PDK2: variants seen among roughly 807,000 people sequenced by gnomAD.
The protein encoded by PDK2 is pyruvate dehydrogenase kinase 2, also known as pyruvate dehydrogenase kinase, isozyme 2.
Under a neutral mutation model 50.4 loss-of-function variants are expected in PDK2, and 34 were observed. The ratio of observed to expected loss-of-function variants is 0.68; its 90% confidence interval spans 0.51 to 0.90. The LOEUF (loss-of-function observed/expected upper bound fraction) is 0.90. Among genes scored for constraint, PDK2 ranks in the 40% least tolerant of loss-of-function variants. The pLI is 0.00. For synonymous variants in PDK2, 232 were observed against 216.0 expected (o/e 1.07, Z -0.65); for missense variants, 377 against 544.5 (o/e 0.69, Z 3.06).
intron 1 of PDK2, among the ~76,000 whole-genome samples, chr17:50,097,106 T>C (rs1018602079): frequency 2.6e-5 from 4 of 152,096 alleles, no homozygotes; most frequent in Non-Finnish European, 4.4e-5. Context: ...GTGAGTGTGC[T>C]GGGAGGGAAG....
intron 4 of PDK2, 133 bp from the exon 5 acceptor site, chr17:50,106,661 T>TGGGGCAGC: frequency 1.4e-6 from 1 of 719,516 alleles, no homozygotes; most frequent in Non-Finnish European, 2.4e-6. Context: ...AGCGGGGGAG[T>TGGGGCAGC]GGGGCAGCTT....
chr17:50,104,226 G>A (rs1322581268), intron 2 of PDK2: 1 of 152,310 alleles, frequency 6.6e-6, no homozygotes, highest in Non-Finnish European at 1.5e-5. Flanking sequence ...CCTTGCAGAA[G>A]GAGGCCTGCT....
chr17:50,100,714 T>G (rs1373073677), intron 2 of PDK2: 2 of 152,254 alleles, frequency 1.3e-5, no homozygotes, highest in Non-Finnish European at 2.9e-5. Flanking sequence ...CGCAACCTTA[T>G]GAGGTAGTCT....
intron 1 of PDK2, among the ~76,000 whole-genome samples, chr17:50,096,855 C>T (rs552783158): frequency 6.6e-6 from 1 of 152,238 alleles, no homozygotes; most frequent in African/African-American, 2.4e-5. Context: ...TCCATCTTGA[C>T]ACCAGACAAG....
chr17:50,108,631 G>A lies in PDK2; in HGVS notation c.881G>A (p.Gly294Asp). The A allele has an allele frequency of 6.2e-7, 1 of 1,612,356 alleles. No homozygotes were observed. Among genetic ancestry groups the A allele is most frequent in the Non-Finnish European group, 8.5e-7 (1 of 1,179,224 alleles). ...LSIKMSDRGG[G>D]VPLRKIERLF... Reference sequence around the variant, plus strand: ...TCCCAGATGAGTGACCGAGGTGGGGGTGTTCCCTTGAGGAAGATTGAGCGA... The same window carrying A: ...TCCCAGATGAGTGACCGAGGTGGGGATGTTCCCTTGAGGAAGATTGAGCGA... The change falls in exon 9 of 11, where the codon GGT (glycine) becomes GAT (aspartate). Residue 294 changes from glycine to aspartate, a missense_variant. Physicochemically the swap from Gly to Asp is moderately conservative, Grantham distance 94. Transcript: ENST00000503176.
In PDK2 at chr17:50,109,405, G is replaced by A; in HGVS notation, c.1083+5G>A. 6.3e-7 allele frequency: 1 copy of A among 1,586,530 alleles called. No individual in the cohort carries two copies. Among genetic ancestry groups the A allele is most frequent in the Non-Finnish European group, 8.6e-7 (1 of 1,157,330 alleles). Reference sequence around the variant, plus strand: ...GATGCTGTCATCTATCTCAAGGTGAGGGCCCTTCCCGCAGAGCCCAGCTGG... The same window carrying A: ...GATGCTGTCATCTATCTCAAGGTGAAGGCCCTTCCCGCAGAGCCCAGCTGG... On this transcript the variant is annotated splice_donor_5th_base_variant and intron_variant, in intron 10 of 10. Transcript: ENST00000503176. The surrounding 1 kb of genome is among the most constrained non-coding windows in gnomAD (Gnocchi z 5.0).
In PDK2 at chr17:50,109,806, AGGAGCG is replaced by A; in HGVS notation, c.1084-147_1084-142del. On this transcript the variant is annotated intron_variant, in intron 10 of 10. Coordinates refer to ENST00000503176, the MANE Select transcript of PDK2 (RefSeq NM_002611.5). The surrounding 1 kb of genome is among the most constrained non-coding windows in gnomAD (Gnocchi z 5.0). ...GAGGGAGCTGCTTGCTTGAATGGGC[AGGAGCG>A]GGACACAGGAGGGACCACCCTTTTG... The A allele has an allele frequency of 7.5e-6, 6 of 799,480 alleles. No homozygotes were observed. The South Asian group carries it at 1.4e-4, about 19-fold the overall frequency. The allele number at this position is 799,480 out of a possible 1,614,324, so 49.5% of individuals were successfully genotyped here. A position where few individuals can be genotyped will look rare whatever the true frequency, so the allele number is the denominator to read the frequency against.
At position 50,101,102 on chromosome 17, in the gene PDK2, G is replaced by A. The variant is rs1255526301; in HGVS notation, c.260+3538G>A. 6.6e-6 allele frequency: 1 copy of A among 152,244 alleles called. No individual in the cohort carries two copies. The highest frequency in any genetic ancestry group is 1.5e-5 in the Non-Finnish European group (1 of 68,052). The allele number at this position is 152,244 out of a possible 1,614,324, so 9.4% of individuals were successfully genotyped here. On this transcript the variant is annotated intron_variant, in intron 2 of 10. Coordinates refer to ENST00000503176, the MANE Select transcript of PDK2 (RefSeq NM_002611.5). This position sits in a 1 kb window ranked among gnomAD's most constrained non-coding sequence, Gnocchi z 4.2. ...AATCAAATGACAATGACTCACTGCT[G>A]TCACTAACAGGCTCTTTGTGGGGGC...
At position 50,095,486 on chromosome 17, in the gene PDK2, C is replaced by T. The variant is rs1363920341; in HGVS notation, c.51C>T (p.Pro17=). 8 of 1,606,476 alleles carry T rather than the reference C, an allele frequency of 5.0e-6. No homozygotes were observed. The highest frequency in any genetic ancestry group is 6.8e-6 in the Non-Finnish European group (8 of 1,176,868). ...LLKNASLAGA[P]KYIEHFSKFS... is the part of the protein sequence containing the mutation. ...AGAATGCGTCCCTGGCAGGGGCGCCCAAGTACATAGAGCACTTCAGCAAGT... is the reference window on the plus strand; with the variant it reads ...AGAATGCGTCCCTGGCAGGGGCGCCTAAGTACATAGAGCACTTCAGCAAGT... The change falls in exon 1 of 11, where the codon CCC becomes CCT. Residue 17 remains proline, a synonymous_variant. Coordinates refer to ENST00000503176, the MANE Select transcript of PDK2 (RefSeq NM_002611.5).
At chr17:50,105,520 G>T in intron 3 of PDK2, 78 bp downstream of exon 3, 1 of 1,204,856 alleles carries the variant, frequency 8.3e-7, no homozygotes, top group Admixed American at 2.0e-5. Context: ...TGGGGCAGAA[G>T]TACAGCAGGA....
At chr17:50,105,011 C>T (rs527737257) in intron 2 of PDK2, among the ~76,000 whole-genome samples, 133 of 152,292 alleles carry the variant, frequency 8.7e-4, no homozygotes, top group African/African-American at 3.1e-3. Context: ...CTGCCTTCCC[C>T]CACTGCAGGC....
Position 50,106,097 on chromosome 17 carries a change from C to CG in PDK2, c.517+31dup, listed in dbSNP as rs1567713549. On this transcript the variant is annotated intron_variant, in intron 4 of 10. Transcript: ENST00000503176. ...GGGTGCCGGCCACAGCGGCGGGGAG[C>CG]GGGCGGTGGGGGGGGCGGTGCTGGG... 5 of 1,569,084 alleles carry CG rather than the reference C, an allele frequency of 3.2e-6. No homozygotes were observed. In the South Asian group the frequency reaches 4.6e-5, roughly 15 times the overall value.
At chr17:50,107,049 GC>G (rs1369432231) in intron 5 of PDK2, 26 bp from the exon 6 acceptor site, 6 of 1,607,580 alleles carry the variant, frequency 3.7e-6, no homozygotes, top group Non-Finnish European at 5.1e-6. Flanking sequence ...GGCCACCCAT[GC>G]CCTGAATGAC....
chr17:50,104,958 G>A (rs1421706754), intron 2 of PDK2, among the ~76,000 whole-genome samples: 1 of 152,154 alleles, frequency 6.6e-6, no homozygotes, highest in Non-Finnish European at 1.5e-5. Context: ...GAAACATTAG[G>A]AGCTGTTTCC....
chr17:50,104,418 T>G (rs554450918), intron 2 of PDK2: 1 of 152,352 alleles, frequency 6.6e-6, no homozygotes, highest in East Asian at 1.9e-4. Flanking sequence ...GCCCAGCTAA[T>G]TTTTGCATGT....
chr17:50,097,541 C>T lies in PDK2; in HGVS notation c.237C>T (p.Pro79=), dbSNP rs758686183. ...NLLPDRVLST[P]SVQLVQSWYV... ...TTCCCGACCGAGTGCTGAGCACACC[C>T]TCCGTGCAGCTGGTGCAGAGCTGGT... Residue 79 remains proline, a synonymous_variant, in exon 2 of 11, where the codon CCC becomes CCT. Coordinates refer to ENST00000503176, the MANE Select transcript of PDK2 (RefSeq NM_002611.5). 4.3e-6 allele frequency: 7 copies of T among 1,613,660 alleles called. No individual in the cohort carries two copies. The East Asian group carries it at 8.9e-5, about 21-fold the overall frequency.
rs1273234017 is a variant in PDK2 at position 50,110,238 on chromosome 17, G to A, written c.*141G>A. ...GTTCTGTCTCTATGGAAGTCACTGCGGTGATAGGTCTGTGATGGTCCCTAA... is the reference window on the plus strand; with the variant it reads ...GTTCTGTCTCTATGGAAGTCACTGCAGTGATAGGTCTGTGATGGTCCCTAA... On this transcript the variant is annotated 3_prime_UTR_variant, in exon 11 of 11. Transcript: ENST00000503176. 15 of 917,886 alleles carry A rather than the reference G, an allele frequency of 1.6e-5. No homozygotes were observed. The highest frequency in any genetic ancestry group is 6.7e-5 in the African/African-American group (4 of 59,902). The allele number at this position is 917,886 out of a possible 1,614,324, so 56.9% of individuals were successfully genotyped here.
chr17:50,105,411 A>G lies in PDK2; in HGVS notation c.301A>G (p.Lys101Glu). 3 of 1,613,882 alleles carry G rather than the reference A, an allele frequency of 1.9e-6. No homozygotes were observed. Among genetic ancestry groups the G allele is most frequent in the South Asian group, 2.2e-5 (2 of 91,054 alleles). ...SLLDIMEFLD[K>E]DPEDHRTLSQ... is the part of the protein sequence containing the mutation. The stretch of plus-strand genomic sequence containing the variant: ...CCTGGACATCATGGAGTTCCTGGAC[A>G]AGGATCCCGAGGACCATCGCACCCT... Residue 101 changes from lysine to glutamate, a missense_variant, in exon 3 of 11, where the codon AAG becomes GAG. Coordinates refer to ENST00000503176, the MANE Select transcript of PDK2 (RefSeq NM_002611.5).
In PDK2 at chr17:50,110,187, G is replaced by A. The variant is rs1910758900; in HGVS notation, c.*90G>A. 2 of 1,384,102 alleles carry A rather than the reference G, an allele frequency of 1.4e-6. No homozygotes were observed. Among genetic ancestry groups the A allele is most frequent in the Non-Finnish European group, 1.9e-6 (2 of 1,035,820 alleles). The allele number at this position is 1,384,102 out of a possible 1,614,324, so 85.7% of individuals were successfully genotyped here. A position where few individuals can be genotyped will look rare whatever the true frequency, so the allele number is the denominator to read the frequency against. On this transcript the variant is annotated 3_prime_UTR_variant, in exon 11 of 11. Transcript: ENST00000503176. ...CCCTCACCATCCTCCTGGGGGAGCAGGGGGTGGGTTCTCCCTGATGACCAG... is the reference window on the plus strand; with the variant it reads ...CCCTCACCATCCTCCTGGGGGAGCAAGGGGTGGGTTCTCCCTGATGACCAG...
Sources: allele counts gnomAD v4.1 joint callset (sites outside exome capture counted in the v4.1 genomes callset), GRCh38; gene constraint gnomAD v4.1.1; non-coding constraint Gnocchi (gnomAD v3.1); transcripts MANE v1.5; gene names NCBI Gene and HGNC (gene_info 2026-07-23, HGNC 2026-07-21).